FBP1: variants seen among roughly 807,000 people sequenced by gnomAD.
The protein encoded by FBP1 is fructose-bisphosphatase 1.
In FBP1, 22 loss-of-function variants were observed where a neutral mutation model predicts 29.9. The ratio of observed to expected loss-of-function variants is 0.74; its 90% CI spans 0.53 to 1.05. The LOEUF (loss-of-function observed/expected upper bound fraction) is 1.05. Ranked by LOEUF, FBP1 falls within the 50% of genes least tolerant of loss-of-function variation. FBP1 has a pLI of 0.00. For missense variants in FBP1, 345 were observed against 448.2 expected (o/e 0.77, Z 2.08); for synonymous variants, 175 against 178.6 (o/e 0.98, Z 0.16).
At chr9:94,637,224 T>C (rs16910860) in intron 1 of FBP1, among the ~76,000 whole-genome samples, 25,414 of 152,018 alleles carry the variant, frequency 0.17, 3,233 homozygotes, top group African/African-American at 0.34. Context: ...CTCCTTTACA[T>C]GAATTACCTC....
chr9:94,639,333 GGCTGCAGGTGCAA>G lies in FBP1; in HGVS notation c.-36_-24del. On this transcript the variant is annotated 5_prime_UTR_variant, in exon 1 of 7. Transcript: ENST00000375326. ...CATGCTTGAACCGGGTAGAGCGCGG[GGCTGCAGGTGCAA>G]GCGGCAGGTGCGGGGCTGCAGGTGC... The G allele has an allele frequency of 6.3e-7, 1 of 1,598,498 alleles. No individual in the cohort carries two copies.
In FBP1 at chr9:94,639,260, G is replaced by A. The variant is rs545695727; in HGVS notation, c.51C>T (p.Phe17=). Residue 17 remains phenylalanine, a synonymous_variant, in exon 1 of 7, where the codon TTC becomes TTT. Coordinates refer to ENST00000375326, the MANE Select transcript of FBP1 (RefSeq NM_000507.4). ...GGGCCTTCCTGCCCTCCTCCATGAC[G>A]AAGCGGGTCAGGGTGTTGACGTCCG... is the stretch of plus-strand genomic sequence containing the variant. ...FDTDVNTLTR[F]VMEEGRKARG... 1.4e-5 allele frequency: 23 copies of A among 1,605,468 alleles called. 1 individual carries two copies. The South Asian group carries it at 2.6e-4, about 18-fold the overall frequency.
chr9:94,607,967 GACC>G (rs1363581440), intron 4 of FBP1, among the ~76,000 whole-genome samples: 1 of 152,030 alleles, frequency 6.6e-6, no homozygotes, highest in Non-Finnish European at 1.5e-5. Context: ...CAAAATTTTT[GACC>G]ACAAGTATAC....
At chr9:94,612,723 ATT>A (rs968547970) in intron 3 of FBP1, among the ~76,000 whole-genome samples, 1 of 147,570 alleles carries the variant, frequency 6.8e-6, no homozygotes, top group South Asian at 2.1e-4. Context: ...CGCCTGGCTA[ATT>A]TTTTTTTTTA....
intron 3 of FBP1, among the ~76,000 whole-genome samples, chr9:94,617,409 CAT>C (rs1827879467): frequency 6.6e-6 from 1 of 152,200 alleles, no homozygotes; most frequent in South Asian, 2.1e-4. Context: ...ACAGTTTTGA[CAT>C]AGTCTCTATT....
chr9:94,620,502 CA>C lies in FBP1; in HGVS notation c.171-12del. On this transcript the variant is annotated splice_polypyrimidine_tract_variant and intron_variant, in intron 1 of 6. Coordinates refer to ENST00000375326, the MANE Select transcript of FBP1 (RefSeq NM_000507.4). ...CCAGCAATGCCATAGCTACAGGGAACAAAAGCCACAAAAAATAAGCCATGAC... is the reference window on the plus strand; with the variant it reads ...CCAGCAATGCCATAGCTACAGGGAACAAAGCCACAAAAAATAAGCCATGAC... The C allele has an allele frequency of 6.2e-7, 1 of 1,613,406 alleles. No individual in the cohort carries two copies. The highest frequency in any genetic ancestry group is 8.5e-7 in the Non-Finnish European group (1 of 1,179,710).
At chr9:94,628,971 G>C (rs1043325277) in intron 1 of FBP1, among the ~76,000 whole-genome samples, 17 of 151,952 alleles carry the variant, frequency 1.1e-4, no homozygotes, top group Admixed American at 9.2e-4. Context: ...TCAATTAAAG[G>C]CTTTTTGTTG....
chr9:94,620,289 G>C (rs376636755), intron 2 of FBP1, 40 bp downstream of exon 2: 1 of 1,605,784 alleles, frequency 6.2e-7, no homozygotes. Flanking sequence ...GAAGAAGACC[G>C]GCTACATTAA....
chr9:94,630,059 C>T (rs754581722), intron 1 of FBP1, among the ~76,000 whole-genome samples: 2 of 152,086 alleles, frequency 1.3e-5, no homozygotes, highest in Admixed American at 6.6e-5. Flanking sequence ...CCAAGGGGAC[C>T]GAAACTCTTA....
At chr9:94,635,706 T>G (rs1828182456) in intron 1 of FBP1, among the ~76,000 whole-genome samples, 1 of 152,160 alleles carries the variant, frequency 6.6e-6, no homozygotes, top group South Asian at 2.1e-4. Flanking sequence ...CAGCATCTAG[T>G]CCTGTCAGCT....
chr9:94,612,549 ATTTTTTTTTTTTT>A (rs561246840), intron 3 of FBP1, among the ~76,000 whole-genome samples: 4 of 108,030 alleles, frequency 3.7e-5, no homozygotes, highest in African/African-American at 1.4e-4. Context: ...CCAGCCCCCA[ATTTTTTTTTTTTT>A]TTTTTTTTTT....
At chr9:94,629,685 C>A (rs1195106534) in intron 1 of FBP1, among the ~76,000 whole-genome samples, 1 of 152,084 alleles carries the variant, frequency 6.6e-6, no homozygotes, top group African/African-American at 2.4e-5. Flanking sequence ...CAACCCCCAC[C>A]AAGAGAGGAC....
intron 1 of FBP1, among the ~76,000 whole-genome samples, chr9:94,622,015 G>A (rs1827957128): frequency 6.6e-6 from 1 of 152,144 alleles, no homozygotes; most frequent in Admixed American, 6.5e-5. Flanking sequence ...GAGGGTGGAG[G>A]CGAGACCCTG....
chr9:94,611,244 G>T, intron 3 of FBP1, among the ~76,000 whole-genome samples: 1 of 152,104 alleles, frequency 6.6e-6, no homozygotes, highest in Non-Finnish European at 1.5e-5. Flanking sequence ...ACTACTCTCT[G>T]CTTGAATTAA....
At chr9:94,623,889 A>G (rs951010404) in intron 1 of FBP1, among the ~76,000 whole-genome samples, 1 of 152,222 alleles carries the variant, frequency 6.6e-6, no homozygotes, top group Non-Finnish European at 1.5e-5. Context: ...AATGAAAAAG[A>G]TATGTCAGAT....
chr9:94,635,495 C>T (rs1828178536), intron 1 of FBP1, among the ~76,000 whole-genome samples: 1 of 152,248 alleles, frequency 6.6e-6, no homozygotes, highest in Non-Finnish European at 1.5e-5. Flanking sequence ...ATCACCCCGT[C>T]CCTCTGGGTA....
Position 94,603,497 on chromosome 9 carries a change from C to G in FBP1, c.901G>C (p.Glu301Gln), listed in dbSNP as rs1827644141. ...GTGGGAATGACGTCTAACACGGCCT[C>G]CTTCCCAGTGGTGGCCATTCCCCCA... is the stretch of plus-strand genomic sequence containing the variant. ...KAGGMATTGK[E>Q]AVLDVIPTDI... The change falls in exon 7 of 7, where the codon GAG (glutamate) becomes CAG (glutamine). Residue 301 changes from glutamate to glutamine, a missense_variant. Coordinates refer to ENST00000375326, the MANE Select transcript of FBP1 (RefSeq NM_000507.4). The G allele has an allele frequency of 5.0e-6, 8 of 1,614,170 alleles. No homozygotes were observed. Among genetic ancestry groups the G allele is most frequent in the Non-Finnish European group, 6.8e-6 (8 of 1,180,008 alleles).
intron 3 of FBP1, among the ~76,000 whole-genome samples, chr9:94,613,586 G>A (rs1478639706): frequency 2.6e-5 from 4 of 151,952 alleles, no homozygotes; most frequent in African/African-American, 4.8e-5. Flanking sequence ...GAAACATAGC[G>A]AGACCCCCTT....
At chr9:94,607,795 A>C (rs1426436944) in intron 4 of FBP1, among the ~76,000 whole-genome samples, 1 of 152,088 alleles carries the variant, frequency 6.6e-6, no homozygotes, top group Non-Finnish European at 1.5e-5. Flanking sequence ...ACACCTCTCT[A>C]CCTAGCCATT....
Sources: gnomAD v4.1 joint callset for allele counts (sites outside exome capture counted in the v4.1 genomes callset) on GRCh38, gnomAD v4.1.1 for gene constraint, MANE v1.5 for transcripts, NCBI Gene and HGNC (gene_info 2026-07-23, HGNC 2026-07-21) for gene names.